MBTPS2: variants seen among roughly 807,000 people sequenced by gnomAD.
MBTPS2 encodes membrane-bound transcription factor site-2 protease.
MBTPS2 carries 2 observed loss-of-function variants against 35.4 expected under a neutral mutation model. The observed-to-expected ratio is 0.06, with a 90% confidence interval of 0.02 to 0.18. The LOEUF (loss-of-function observed/expected upper bound fraction) is 0.18. Ranked by LOEUF, MBTPS2 falls within the 10% of genes least tolerant of loss-of-function variation. The pLI is 1.00. For missense variants in MBTPS2, 244 were observed against 386.5 expected (o/e 0.63, Z 3.09); for synonymous variants, 125 against 140.4 (o/e 0.89, Z 0.77).
chrX:21,878,978 C>T (rs2092956068), intron 9 of MBTPS2, among the ~76,000 whole-genome samples: 1 of 110,979 alleles, frequency 9.0e-6, no homozygotes, highest in Non-Finnish European at 1.9e-5. Context: ...TCTCAGATGT[C>T]CTCTGAGAGT....
At chrX:21,874,899 G>A (rs1288157919) in intron 7 of MBTPS2, among the ~76,000 whole-genome samples, 1 of 112,500 alleles carries the variant, frequency 8.9e-6, no homozygotes, top group African/African-American at 3.2e-5. Flanking sequence ...TATAGATTAA[G>A]AATCAAGTCA....
At chrX:21,860,912 A>G (rs2092930633) in intron 5 of MBTPS2, among the ~76,000 whole-genome samples, 1 of 112,299 alleles carries the variant, frequency 8.9e-6, no homozygotes, top group South Asian at 3.7e-4. Context: ...CTTGAGGTGG[A>G]AAAGGCTTAG....
At chrX:21,856,404 T>C (rs2092922417) in intron 5 of MBTPS2, 1 of 1,088,106 alleles carries the variant, frequency 9.2e-7, no homozygotes, top group African/African-American at 1.9e-5. Context: ...CGCCCCTTCC[T>C]CTGCAGCTCC....
In MBTPS2 at chrX:21,843,275, T is replaced by G; in HGVS notation, c.181T>G (p.Phe61Val). The change falls in exon 2 of 11, where the codon TTT becomes GTT. Residue 61 changes from phenylalanine (F) to valine (V), a missense_variant. Phe to Val is a conservative substitution (Grantham distance 50). Coordinates refer to ENST00000379484, the MANE Select transcript of MBTPS2 (RefSeq NM_015884.4). ...GCAAACTGCTGTTTTCAATCGTGCC[T>G]TTTACAGTTGGGGACGGCGGAAAGC... ...RWQTAVFNRA[F>V]YSWGRRKARM... 8.3e-7 allele frequency: 1 copy of G among 1,211,545 alleles called. No homozygotes were observed. The highest frequency in any genetic ancestry group is 1.1e-6 in the Non-Finnish European group (1 of 895,083).
intron 2 of MBTPS2, 22 bp from the exon 3 acceptor site, chrX:21,845,149 T>C (rs2092907155): frequency 8.3e-7 from 1 of 1,210,190 alleles, no homozygotes; most frequent in Non-Finnish European, 1.1e-6. Flanking sequence ...TAAATTAACA[T>C]GATTTTTTTC....
chrX:21,867,254 A>G (rs1316643948), intron 5 of MBTPS2, among the ~76,000 whole-genome samples: 1 of 112,120 alleles, frequency 8.9e-6, no homozygotes, highest in Non-Finnish European at 1.9e-5. Context: ...ATGAAAATGT[A>G]TTGTAAATTA....
chrX:21,878,853 C>T lies in MBTPS2; in HGVS notation c.1261+161C>T, dbSNP rs144086959. 9.0e-5 allele frequency among the ~76,000 whole-genome samples: 10 copies of T among 111,617 alleles called. No homozygotes were observed. In the East Asian group the frequency reaches 2.2e-3, roughly 25 times the overall value. On this transcript the variant is annotated intron_variant, in intron 9 of 10. Coordinates refer to ENST00000379484, the MANE Select transcript of MBTPS2 (RefSeq NM_015884.4). The stretch of plus-strand genomic sequence containing the variant: ...TCTTAAGCATTAAGTGAAAATTATG[C>T]AGTAGGAAAATAATCTGAATTTATA...
intron 5 of MBTPS2, chrX:21,858,547 C>T (rs2092926879): frequency 8.1e-6 from 1 of 122,977 alleles, no homozygotes; most frequent in South Asian, 3.7e-4. Context: ...TGCCACTAAA[C>T]ATCCTACAAT....
chrX:21,877,966 T>G (rs1488129430), intron 7 of MBTPS2, 76 bp from the exon 8 acceptor site: 6 of 667,756 alleles, frequency 9.0e-6, no homozygotes, highest in Non-Finnish European at 1.5e-5. Flanking sequence ...ACTTATTCTT[T>G]TTGTCTTAAA....
intron 5 of MBTPS2, among the ~76,000 whole-genome samples, chrX:21,860,202 G>A (rs1219537526): frequency 8.9e-6 from 1 of 112,147 alleles, no homozygotes; most frequent in Non-Finnish European, 1.9e-5. Flanking sequence ...AAGGTCAGGA[G>A]TTCAAGACCA....
intron 5 of MBTPS2, among the ~76,000 whole-genome samples, chrX:21,867,998 G>A (rs1358953961): frequency 9.0e-6 from 1 of 111,192 alleles, no homozygotes; most frequent in Non-Finnish European, 1.9e-5. Flanking sequence ...ATATATGCTC[G>A]GTTTGTTCCA....
At chrX:21,840,728 T>C (rs1315227643) in intron 1 of MBTPS2, among the ~76,000 whole-genome samples, 1 of 112,191 alleles carries the variant, frequency 8.9e-6, no homozygotes, top group East Asian at 2.8e-4. Context: ...TAGAAAACCA[T>C]AGTATTGCAT....
chrX:21,854,352 A>G (rs2092917990), intron 5 of MBTPS2, among the ~76,000 whole-genome samples: 1 of 112,247 alleles, frequency 8.9e-6, no homozygotes, highest in South Asian at 3.6e-4. Context: ...AGACCAAAAC[A>G]CATTTATTTT....
At position 21,845,220 on chromosome X, in the gene MBTPS2, T is replaced by C. The variant is rs779941206; in HGVS notation, c.274T>C (p.Phe92Leu). The change falls in exon 3 of 11, where the codon TTT (phenylalanine) becomes CTT (leucine). Residue 92 changes from phenylalanine to leucine, a missense_variant. Physicochemically the swap from Phe to Leu is conservative, Grantham distance 22. Coordinates refer to ENST00000379484, the MANE Select transcript of MBTPS2 (RefSeq NM_015884.4). Reference protein sequence around the residue: ...FGVIAMFSSFFLLGKTLMQTL... With the variant: ...FGVIAMFSSFLLLGKTLMQTL... ...CGTAATTGCCATGTTTAGCTCATTT[T>C]TTCTCCTTGGAAAAACGCTGATGCA... is the stretch of plus-strand genomic sequence containing the variant. The C allele has an allele frequency of 7.4e-6, 9 of 1,210,117 alleles. No homozygotes were observed. The highest frequency in any genetic ancestry group is 6.6e-5 in the Admixed American group (3 of 45,705).
intron 4 of MBTPS2, among the ~76,000 whole-genome samples, chrX:21,853,170 C>A (rs2092916674): frequency 9.0e-6 from 1 of 110,509 alleles, no homozygotes; most frequent in Non-Finnish European, 1.9e-5. Context: ...TTGCAAAATT[C>A]AATTTCACAG....
chrX:21,856,202 A>G, intron 5 of MBTPS2: 1 of 318,413 alleles, frequency 3.1e-6, no homozygotes. Context: ...GGGCCGACAG[A>G]CGCGCCAGTT....
chrX:21,874,181 C>T (rs914113072), intron 7 of MBTPS2, among the ~76,000 whole-genome samples: 5 of 106,790 alleles, frequency 4.7e-5, no homozygotes, highest in South Asian at 4.2e-4. Context: ...CCACCAAGCC[C>T]GGCTAATTTT....
intron 7 of MBTPS2, chrX:21,870,320 G>A (rs2092945798): frequency 1.8e-5 from 2 of 110,561 alleles, no homozygotes; most frequent in African/African-American, 3.3e-5. Context: ...ATGCATGTCT[G>A]TAGATATATT....
chrX:21,881,071 A>G (rs777015938), intron 10 of MBTPS2, 99 bp downstream of exon 10: 2 of 597,537 alleles, frequency 3.3e-6, no homozygotes, highest in East Asian at 6.7e-5. Context: ...CCTCACAAGT[A>G]TCACTTAATT....
Sources: gnomAD v4.1 joint callset for allele counts (sites outside exome capture counted in the v4.1 genomes callset) on GRCh38, gnomAD v4.1.1 for gene constraint, MANE v1.5 for transcripts, NCBI Gene and HGNC (gene_info 2026-07-23, HGNC 2026-07-21) for gene names.